AMPH: variants seen among roughly 807,000 people sequenced by gnomAD.
AMPH encodes amphiphysin, also known as amphiphysin (Stiff-Mann syndrome with breast cancer 128kD autoantigen).
In AMPH, 49 loss-of-function variants were observed where a neutral mutation model predicts 99.1. The ratio of observed to expected loss-of-function variants is 0.49; its 90% CI spans 0.39 to 0.63. The LOEUF is 0.63. Ranked by LOEUF, AMPH falls within the 20% of genes least tolerant of loss-of-function variation. The pLI is 0.00. For synonymous variants in AMPH, 314 were observed against 317.3 expected (o/e 0.99, Z 0.11); for missense variants, 759 against 863.4 (o/e 0.88, Z 1.52).
At chr7:38,388,915 A>G (rs1304870242) in intron 20 of AMPH, among the ~76,000 whole-genome samples, 3 of 152,186 alleles carry the variant, frequency 2.0e-5, no homozygotes, top group Admixed American at 2.0e-4. Context: ...AAGTCCTGGG[A>G]TTACAGGCAT....
intron 2 of AMPH, among the ~76,000 whole-genome samples, chr7:38,519,975 C>T (rs1163384844): frequency 6.6e-6 from 1 of 151,880 alleles, no homozygotes; most frequent in Admixed American, 6.6e-5. Context: ...CCCATGAACC[C>T]TCTGAATCTA....
At chr7:38,399,338 A>C (rs1261916748) in intron 17 of AMPH, among the ~76,000 whole-genome samples, 1 of 152,234 alleles carries the variant, frequency 6.6e-6, no homozygotes, top group African/African-American at 2.4e-5. Context: ...TCTGATGATC[A>C]GGGGGCATCA....
chr7:38,392,079 T>G (rs1784517139), intron 18 of AMPH, 62 bp from the exon 19 acceptor site: 1 of 1,545,962 alleles, frequency 6.5e-7, no homozygotes, highest in Non-Finnish European at 8.7e-7. Context: ...CTCCTTGTCC[T>G]GCACAACCTG....
At chr7:38,547,807 T>C (rs562504765) in intron 1 of AMPH, among the ~76,000 whole-genome samples, 17 of 152,296 alleles carry the variant, frequency 1.1e-4, no homozygotes, top group Admixed American at 2.6e-4. Context: ...TTCTAGATCA[T>C]AGGTAGAGAA....
chr7:38,389,472 A>G (rs980608329), intron 20 of AMPH, among the ~76,000 whole-genome samples: 1 of 152,212 alleles, frequency 6.6e-6, no homozygotes, highest in African/African-American at 2.4e-5. Context: ...ACACACCCAG[A>G]GGCAACCACT....
chr7:38,466,163 C>A lies in AMPH; in HGVS notation c.666+10G>T, dbSNP rs1357173330. The A allele has an allele frequency of 1.2e-5, 20 of 1,600,736 alleles. No homozygotes were observed. The highest frequency in any genetic ancestry group is 1.6e-5 in the Non-Finnish European group (19 of 1,174,554). ...ATATTCCATATGCAAAAATTATCGT[C>A]ATGACTCACCACCGCAATTTCCTTA... On this transcript the variant is annotated intron_variant, in intron 8 of 20. Coordinates refer to ENST00000356264, the MANE Select transcript of AMPH (RefSeq NM_001635.4).
intron 1 of AMPH, among the ~76,000 whole-genome samples, chr7:38,597,349 A>G (rs1180712889): frequency 6.6e-6 from 1 of 152,112 alleles, no homozygotes; most frequent in East Asian, 1.9e-4. Flanking sequence ...TATTTGCCCC[A>G]TAAGAGGAAC....
rs140269039 is a variant in AMPH, at chr7:38,576,089, T to C, written c.70-41078A>G. ...AGTGACTAGAGTTCCTGAACACCTA[T>C]TGAGATGTGGTGCTATGTAAGATCA... On this transcript the variant is annotated intron_variant, in intron 1 of 20. Transcript: ENST00000356264. Among the ~76,000 whole-genome samples the C allele has an allele frequency of 4.0e-4, 61 of 152,320 alleles. No individual in the cohort carries two copies. The East Asian group carries it at 5.2e-3, about 13-fold the overall frequency.
At chr7:38,492,470 T>G (rs1183261294) in intron 4 of AMPH, among the ~76,000 whole-genome samples, 1 of 150,244 alleles carries the variant, frequency 6.7e-6, no homozygotes, top group African/African-American at 2.4e-5. Context: ...AGTTTTCATC[T>G]TGTTAAAACA....
intron 17 of AMPH, among the ~76,000 whole-genome samples, chr7:38,412,552 G>A (rs1785245381): frequency 6.6e-6 from 1 of 152,162 alleles, no homozygotes; most frequent in Non-Finnish European, 1.5e-5. Flanking sequence ...TTTCAGAGAT[G>A]GCCACCTACA....
chr7:38,479,697 C>T (rs983718609), intron 5 of AMPH, among the ~76,000 whole-genome samples: 6 of 151,768 alleles, frequency 4.0e-5, no homozygotes, highest in Admixed American at 1.3e-4. Flanking sequence ...TCAAGTTAAA[C>T]CTAATATGTT....
intron 12 of AMPH, 41 bp from the exon 13 acceptor site, chr7:38,432,253 C>T: frequency 6.3e-7 from 1 of 1,581,156 alleles, no homozygotes; most frequent in Admixed American, 1.7e-5. Flanking sequence ...TTATACAAAT[C>T]TAAAACATAA....
intron 1 of AMPH, among the ~76,000 whole-genome samples, chr7:38,582,034 C>T (rs1169458948): frequency 6.6e-6 from 1 of 152,116 alleles, no homozygotes; most frequent in Admixed American, 6.6e-5. Flanking sequence ...GCTGGAAATA[C>T]ATGCCTGGTA....
At chr7:38,448,622 T>A (rs2129002150) in intron 11 of AMPH, among the ~76,000 whole-genome samples, 1 of 152,318 alleles carries the variant, frequency 6.6e-6, no homozygotes, top group African/African-American at 2.4e-5. Flanking sequence ...CTTACTGTTA[T>A]GTAGTATTTT....
At chr7:38,437,356 T>C (rs111548713) in intron 11 of AMPH, among the ~76,000 whole-genome samples, 1 of 152,112 alleles carries the variant, frequency 6.6e-6, no homozygotes, top group Non-Finnish European at 1.5e-5. Flanking sequence ...AAAAAAACTT[T>C]GTTGCCTAGA....
At chr7:38,403,329 G>T (rs1784894396) in intron 17 of AMPH, among the ~76,000 whole-genome samples, 1 of 152,186 alleles carries the variant, frequency 6.6e-6, no homozygotes, top group South Asian at 2.1e-4. Context: ...ACAAACTGCT[G>T]ACCACTAAAT....
At chr7:38,466,387 T>C (rs1265911893) in intron 7 of AMPH, 139 bp from the exon 8 acceptor site, 1 of 693,472 alleles carries the variant, frequency 1.4e-6, no homozygotes, top group Non-Finnish European at 2.4e-6. Flanking sequence ...AATAAAATAC[T>C]GAACCCAAAG....
intron 1 of AMPH, among the ~76,000 whole-genome samples, chr7:38,583,990 G>A (rs993818266): frequency 6.6e-6 from 1 of 152,166 alleles, no homozygotes; most frequent in Non-Finnish European, 1.5e-5. Flanking sequence ...TGTGTTTCCG[G>A]GGTTTAGAAT....
chr7:38,608,998 C>T (rs920698846), intron 1 of AMPH, among the ~76,000 whole-genome samples: 52 of 152,172 alleles, frequency 3.4e-4, no homozygotes, highest in African/African-American at 1.2e-3. Context: ...AGGCAAAGAG[C>T]GATATTTTAA....
Sources: allele counts gnomAD v4.1 joint callset (sites outside exome capture counted in the v4.1 genomes callset), GRCh38; gene constraint gnomAD v4.1.1; transcripts MANE v1.5; gene names NCBI Gene and HGNC (gene_info 2026-07-23, HGNC 2026-07-21).